ZBTB10: variants seen among roughly 807,000 people sequenced by gnomAD.
ZBTB10 encodes zinc finger and BTB domain-containing protein 10.
In ZBTB10, 32 loss-of-function variants were observed where a neutral mutation model predicts 76.4. The observed-to-expected ratio is 0.42, with a 90% CI of 0.32 to 0.56. The LOEUF (loss-of-function observed/expected upper bound fraction) is 0.56. ZBTB10 is among the 20% of genes least tolerant of loss of function. The pLI is 0.14. For missense variants in ZBTB10, 1,057 were observed against 1,098.5 expected, an observed-to-expected ratio of 0.96 and a Z score of 0.53; for synonymous variants, 523 against 432.9, an observed-to-expected ratio of 1.21 and a Z score of -2.58.
intron 1 of ZBTB10, among the ~76,000 whole-genome samples, chr8:80,497,744 G>T (rs191411012): frequency 7.2e-6 from 1 of 139,050 alleles, no homozygotes; most frequent in South Asian, 2.4e-4. Context: ...CTGGAGTGCA[G>T]TGGCATGATC....
intron 2 of ZBTB10, among the ~76,000 whole-genome samples, chr8:80,504,466 G>T (rs1026452141): frequency 6.6e-6 from 1 of 152,048 alleles, no homozygotes; most frequent in East Asian, 1.9e-4. Context: ...GAGATAAGAA[G>T]GTGTACCCAT....
chr8:80,518,718 GT>G (rs1816390143), intron 4 of ZBTB10, 63 bp from the exon 5 acceptor site: 1 of 1,509,506 alleles, frequency 6.6e-7, no homozygotes, highest in South Asian at 1.4e-5. Flanking sequence ...GAGATAAGAA[GT>G]TTTGATAGCA....
rs1350949118 is a variant in ZBTB10, at chr8:80,523,217, G to A, written c.*3689G>A. On this transcript the variant is annotated 3_prime_UTR_variant, in exon 6 of 6. Coordinates refer to ENST00000455036, the MANE Select transcript of ZBTB10 (RefSeq NM_001105539.3). ...GAATTTGACCACGTCTGATTCTGAAGCCCATACTCTTTCAGGGAGGCTCTA... is the reference window on the plus strand; with the variant it reads ...GAATTTGACCACGTCTGATTCTGAAACCCATACTCTTTCAGGGAGGCTCTA... 1.3e-5 allele frequency: 2 copies of A among 151,876 alleles called. No individual in the cohort carries two copies. Among genetic ancestry groups the A allele is most frequent in the Non-Finnish European group, 2.9e-5 (2 of 67,864 alleles). The allele number at this position is 151,876 out of a possible 1,614,324, so 9.4% of individuals were successfully genotyped here. A position where few individuals can be genotyped will look rare whatever the true frequency, so the allele number is the denominator to read the frequency against.
intron 1 of ZBTB10, among the ~76,000 whole-genome samples, chr8:80,490,959 T>C (rs1343926714): frequency 2.0e-5 from 3 of 152,206 alleles, no homozygotes; most frequent in Non-Finnish European, 4.4e-5. Context: ...ATCCCAGCAC[T>C]TTGCGGGGCC....
At chr8:80,493,830 T>TA (rs926266628) in intron 1 of ZBTB10, among the ~76,000 whole-genome samples, 2 of 149,364 alleles carry the variant, frequency 1.3e-5, no homozygotes, top group African/African-American at 5.1e-5. Flanking sequence ...GTCTCAAAAA[T>TA]AAAAAATAAA....
rs1815517561 is a variant in ZBTB10 at position 80,487,796 on chromosome 8, T to G, written c.972+14T>G. The G allele has an allele frequency of 6.5e-7, 1 of 1,536,698 alleles. No individual in the cohort carries two copies. The highest frequency in any genetic ancestry group is 8.7e-7 in the Non-Finnish European group (1 of 1,144,546). On this transcript the variant is annotated intron_variant, in intron 1 of 5. Coordinates refer to ENST00000455036, the MANE Select transcript of ZBTB10 (RefSeq NM_001105539.3). ...GCCAACGCCCAGGTACAGTATATCC[T>G]GCTCCTACTTTTTTGAGATCTTTTA...
Position 80,523,272 on chromosome 8 carries a change from A to T in ZBTB10, c.*3744A>T, listed in dbSNP as rs774493986. ...TGCCTCATTAAACAACTCTTGTAGA[A>T]TTTCAGCTCTTAATGGAGTCTATGG... is the stretch of plus-strand genomic sequence containing the variant. On this transcript the variant is annotated 3_prime_UTR_variant, in exon 6 of 6. Transcript: ENST00000455036. 5 of 148,094 alleles carry T rather than the reference A, an allele frequency of 3.4e-5. No homozygotes were observed. Among genetic ancestry groups the T allele is most frequent in the Non-Finnish European group, 7.4e-5 (5 of 67,554 alleles). The allele number at this position is 148,094 out of a possible 1,614,324, so 9.2% of individuals were successfully genotyped here.
At position 80,513,730 on chromosome 8, in the gene ZBTB10, ACACTGTACT is replaced by A. The variant is rs201955079; in HGVS notation, c.1862-171_1862-163del. Among the ~76,000 whole-genome samples, 1,375 of 152,316 alleles carry A rather than the reference ACACTGTACT, an allele frequency of 9.0e-3. 12 individuals are homozygous for A. The highest frequency in any genetic ancestry group is 0.02 in the Admixed American group (300 of 15,296). Reference sequence around the variant, plus strand: ...GTTCTACAGCCCATTCCTAACCAGTACACTGTACTCACTGTACATGTCTTAGGCTTCTGT... The same window carrying A: ...GTTCTACAGCCCATTCCTAACCAGTACACTGTACATGTCTTAGGCTTCTGT... On this transcript the variant is annotated intron_variant, in intron 2 of 5. Transcript: ENST00000455036.
chr8:80,518,170 G>T (rs1816376797), intron 3 of ZBTB10, among the ~76,000 whole-genome samples: 1 of 151,664 alleles, frequency 6.6e-6, no homozygotes, highest in African/African-American at 2.4e-5. Flanking sequence ...CCTGGCCCAT[G>T]ATTAATTTTT....
Position 80,486,389 on chromosome 8 carries a change from A to G in ZBTB10, c.-422A>G, listed in dbSNP as rs1295728782. On this transcript the variant is annotated 5_prime_UTR_variant, in exon 1 of 6. Transcript: ENST00000455036. ...GGACTCCTCGGCGCGCGGAGGAAGG[A>G]TATCTGTGTGGAGGATCGGTGTGTG... 1.2e-5 allele frequency: 12 copies of G among 989,522 alleles called. No homozygotes were observed. The highest frequency in any genetic ancestry group is 1.4e-5 in the Non-Finnish European group (12 of 833,644). The allele number at this position is 989,522 out of a possible 1,614,324, so 61.3% of individuals were successfully genotyped here.
Position 80,500,301 on chromosome 8 carries a change from A to T in ZBTB10, c.1780A>T (p.Thr594Ser). 1 of 1,580,050 alleles carries T rather than the reference A, an allele frequency of 6.3e-7. No individual in the cohort carries two copies. The highest frequency in any genetic ancestry group is 1.2e-5 in the South Asian group (1 of 86,238). ...FIYNIPPNNE[T>S]NLEDCSVMQP... ...TTATAATATTCCACCTAATAATGAAACGAATTTAGAAGATTGCTCAGTAAT... is the reference window on the plus strand; with the variant it reads ...TTATAATATTCCACCTAATAATGAATCGAATTTAGAAGATTGCTCAGTAAT... The change falls in exon 2 of 6, where the codon ACG (threonine) becomes TCG (serine). Residue 594 changes from threonine to serine, a missense_variant. Coordinates refer to ENST00000455036, the MANE Select transcript of ZBTB10 (RefSeq NM_001105539.3).
Position 80,487,014 on chromosome 8 carries a change from A to G in ZBTB10, c.204A>G (p.Glu68=). The change falls in exon 1 of 6, where the codon GAA becomes GAG. Residue 68 remains glutamate, a synonymous_variant. Transcript: ENST00000455036. ...PNGRGADEEV[E]LEGLEPQDLE... ...GGCGGGGGGCCGACGAGGAAGTGGA[A>G]TTGGAGGGCCTGGAGCCCCAAGACC... is the stretch of plus-strand genomic sequence containing the variant. 1 of 1,515,310 alleles carries G rather than the reference A, an allele frequency of 6.6e-7. No homozygotes were observed. Among genetic ancestry groups the G allele is most frequent in the African/African-American group, 1.4e-5 (1 of 69,434 alleles). The allele number at this position is 1,515,310 out of a possible 1,614,324, so 93.9% of individuals were successfully genotyped here. A position where few individuals can be genotyped will look rare whatever the true frequency, so the allele number is the denominator to read the frequency against.
chr8:80,486,521 G>T lies in ZBTB10; in HGVS notation c.-290G>T. ...CTCGCTCCTCACCTCTCCGCCGCCC[G>T]CCCCCTTCTCCGCGCGGGACGCTGC... On this transcript the variant is annotated 5_prime_UTR_variant, in exon 1 of 6. Coordinates refer to ENST00000455036, the MANE Select transcript of ZBTB10 (RefSeq NM_001105539.3). 2 of 985,744 alleles carry T rather than the reference G, an allele frequency of 2.0e-6. No homozygotes were observed. Among genetic ancestry groups the T allele is most frequent in the Non-Finnish European group, 2.4e-6 (2 of 830,264 alleles). The allele number at this position is 985,744 out of a possible 1,614,324, so 61.1% of individuals were successfully genotyped here. A position where few individuals can be genotyped will look rare whatever the true frequency, so the allele number is the denominator to read the frequency against.
At chr8:80,515,068 G>T (rs1816292203) in intron 3 of ZBTB10, among the ~76,000 whole-genome samples, 1 of 152,112 alleles carries the variant, frequency 6.6e-6, no homozygotes, top group East Asian at 1.9e-4. Context: ...GGACATTTTG[G>T]GGCCAACTGG....
chr8:80,504,736 G>A (rs182325366), intron 2 of ZBTB10, among the ~76,000 whole-genome samples: 6 of 152,318 alleles, frequency 3.9e-5, no homozygotes, highest in Non-Finnish European at 5.9e-5. Flanking sequence ...AAATGATGTC[G>A]TGAGTGAATT....
chr8:80,513,394 C>G lies in ZBTB10; in HGVS notation c.1862-516C>G, dbSNP rs144054026. Among the ~76,000 whole-genome samples, 465 of 152,324 alleles carry G rather than the reference C, an allele frequency of 3.1e-3. 3 individuals carry two copies. Among genetic ancestry groups the G allele is most frequent in the Admixed American group, 0.016 (250 of 15,304 alleles). On this transcript the variant is annotated intron_variant, in intron 2 of 5. Transcript: ENST00000455036. ...CTGGCCTCAAGTGATCTGCCCACCT[C>G]AGCTTCCTAAAGTGCTGGGATTATA...
chr8:80,516,238 A>G (rs975667988), intron 3 of ZBTB10, among the ~76,000 whole-genome samples: 3 of 152,112 alleles, frequency 2.0e-5, no homozygotes, highest in Non-Finnish European at 4.4e-5. Context: ...TTATTCTTAC[A>G]TGTTGTGAAT....
chr8:80,493,584 A>AGG (rs1815701530), intron 1 of ZBTB10, among the ~76,000 whole-genome samples: 1 of 151,052 alleles, frequency 6.6e-6, no homozygotes, highest in South Asian at 2.1e-4. Flanking sequence ...CGGGAGGCCG[A>AGG]GGGGGATGGA....
chr8:80,486,576 C>G lies in ZBTB10; in HGVS notation c.-235C>G, dbSNP rs1815461338. 8 of 986,348 alleles carry G rather than the reference C, an allele frequency of 8.1e-6. No homozygotes were observed. The highest frequency in any genetic ancestry group is 9.6e-6 in the Non-Finnish European group (8 of 830,958). 61.1% of individuals were successfully genotyped at this position (986,348 alleles called of 1,614,324 possible). A position where few individuals can be genotyped will look rare whatever the true frequency, so the allele number is the denominator to read the frequency against. ...AGCGCGGCGGGGCGGGGGTGGAGGACGAGAGAGCGGTCGGAGGCGTCGGCC... is the reference window on the plus strand; with the variant it reads ...AGCGCGGCGGGGCGGGGGTGGAGGAGGAGAGAGCGGTCGGAGGCGTCGGCC... On this transcript the variant is annotated 5_prime_UTR_variant, in exon 1 of 6. Transcript: ENST00000455036.
Sources: gnomAD v4.1 joint callset for allele counts (sites outside exome capture counted in the v4.1 genomes callset) on GRCh38, gnomAD v4.1.1 for gene constraint, MANE v1.5 for transcripts, NCBI Gene and HGNC (gene_info 2026-07-23, HGNC 2026-07-21) for gene names.